TSPAN17: variants seen among roughly 807,000 people sequenced by gnomAD.
TSPAN17 encodes the protein tetraspanin 17, also known as tetraspanin-17.
A neutral mutation model predicts 40.5 loss-of-function variants in TSPAN17; 33 were observed. That is an observed-to-expected ratio of 0.81 (90% CI 0.62 to 1.09). The LOEUF (loss-of-function observed/expected upper bound fraction) is 1.09, where lower values mean the gene tolerates loss of function less well. Ranked by LOEUF, TSPAN17 falls within the 50% of genes least tolerant of loss-of-function variation. TSPAN17 has a pLI of 0.00. For synonymous variants in TSPAN17, 166 were observed against 169.4 expected (o/e 0.98, Z 0.15); for missense variants, 365 against 416.8 (o/e 0.88, Z 1.08).
intron 6 of TSPAN17, among the ~76,000 whole-genome samples, chr5:176,656,402 A>C (rs1300221124): frequency 6.6e-6 from 1 of 152,122 alleles, no homozygotes; most frequent in African/African-American, 2.4e-5. Context: ...TCGGCTCTGG[A>C]GGAGTGGAGG....
In TSPAN17 at chr5:176,652,764, ATCT is replaced by A. The variant is rs1368483003; in HGVS notation, c.313_315del (p.Phe105del). 2 of 1,613,790 alleles carry A rather than the reference ATCT, an allele frequency of 1.2e-6. No individual in the cohort carries two copies. The highest frequency in any genetic ancestry group is 1.7e-6 in the Non-Finnish European group (2 of 1,179,878). ...CCAGTTCTCCGTGTTCCTCGGTCTC[ATCT>A]TCTTCCTGGAGCTGGCAACAGGGAT... On this transcript the variant is annotated inframe_deletion, in exon 4 of 9. Coordinates refer to ENST00000508164, the MANE Select transcript of TSPAN17 (RefSeq NM_130465.5).
intron 6 of TSPAN17, 56 bp from the exon 7 acceptor site, chr5:176,656,644 G>A: frequency 1.9e-6 from 3 of 1,571,222 alleles, no homozygotes; most frequent in Non-Finnish European, 2.6e-6. Flanking sequence ...AGGCTGGGAG[G>A]GTGGGAGCCG....
At chr5:176,656,025 G>T in intron 5 of TSPAN17, 53 bp from the exon 6 acceptor site, 1 of 1,569,264 alleles carries the variant, frequency 6.4e-7, no homozygotes, top group South Asian at 1.1e-5. Flanking sequence ...AGGTACCATG[G>T]ACCCCATGGG....
chr5:176,651,561 G>T lies in TSPAN17; in HGVS notation c.88-55G>T. The T allele has an allele frequency of 1.9e-6, 3 of 1,558,254 alleles. No homozygotes were observed. The highest frequency in any genetic ancestry group is 2.4e-5 in the South Asian group (2 of 84,612). ...CCCTGGCTACCGGGGAAGGATGAGGGGGGAGGGTCCTGGGGCTGCTCCCAG... is the reference window on the plus strand; with the variant it reads ...CCCTGGCTACCGGGGAAGGATGAGGTGGGAGGGTCCTGGGGCTGCTCCCAG... On this transcript the variant is annotated intron_variant, in intron 1 of 8. Coordinates refer to ENST00000508164, the MANE Select transcript of TSPAN17 (RefSeq NM_130465.5). The surrounding 1 kb of genome is among the most constrained non-coding windows in gnomAD (Gnocchi z 4.5).
Position 176,657,787 on chromosome 5 carries a change from A to C in TSPAN17, c.*89A>C. On this transcript the variant is annotated 3_prime_UTR_variant, in exon 9 of 9. Transcript: ENST00000508164. ...CTTCGGTGGCAACACTACCTGGGACACTGCCTCCCCAGTCACCAAGGGCCC... is the reference window on the plus strand; with the variant it reads ...CTTCGGTGGCAACACTACCTGGGACCCTGCCTCCCCAGTCACCAAGGGCCC... 2 of 1,512,982 alleles carry C rather than the reference A, an allele frequency of 1.3e-6. No homozygotes were observed. The highest frequency in any genetic ancestry group is 1.8e-6 in the Non-Finnish European group (2 of 1,134,738). The allele number at this position is 1,512,982 out of a possible 1,614,324, so 93.7% of individuals were successfully genotyped here.
intron 3 of TSPAN17, 147 bp downstream of exon 3, chr5:176,652,047 C>G (rs1760989841): frequency 8.3e-7 from 1 of 1,204,116 alleles, no homozygotes. Context: ...TACTAGGATC[C>G]TTTCCGTGGT....
intron 4 of TSPAN17, 74 bp downstream of exon 4, chr5:176,652,987 TGTGATGGGAC>T: frequency 6.6e-7 from 1 of 1,519,164 alleles, no homozygotes; most frequent in Non-Finnish European, 9.1e-7. Flanking sequence ...GCAAGTTCCC[TGTGATGGGAC>T]CATCTCCTTA....
chr5:176,648,428 G>T (rs571061502), intron 1 of TSPAN17, among the ~76,000 whole-genome samples: 1 of 152,218 alleles, frequency 6.6e-6, no homozygotes, highest in Non-Finnish European at 1.5e-5. Flanking sequence ...TCCCAGGGTG[G>T]CATCTGTCCC....
At chr5:176,656,278 G>GTCTACTCCCCCTCC in intron 6 of TSPAN17, 153 bp downstream of exon 6, 2 of 805,088 alleles carry the variant, frequency 2.5e-6, no homozygotes, top group Non-Finnish European at 4.0e-6. Context: ...CAGCGGAGGG[G>GTCTACTCCCCCTCC]GAGTAGACCC....
In TSPAN17 at chr5:176,654,658, C is replaced by T. The variant is rs562047775; in HGVS notation, c.457-237C>T. On this transcript the variant is annotated intron_variant, in intron 4 of 8. Coordinates refer to ENST00000508164, the MANE Select transcript of TSPAN17 (RefSeq NM_130465.5). The surrounding 1 kb of genome is among the most constrained non-coding windows in gnomAD (Gnocchi z 4.3). ...TCCTTGTCCCACTCCCTCCCTTTTT[C>T]TAGCCTCTCTTGGGTCGGGGAAGGG... 8 of 524,578 alleles carry T rather than the reference C, an allele frequency of 1.5e-5. No individual in the cohort carries two copies. In the East Asian group the frequency reaches 2.7e-4, roughly 17 times the overall value. The allele number at this position is 524,578 out of a possible 1,614,324, so 32.5% of individuals were successfully genotyped here.
intron 6 of TSPAN17, 148 bp from the exon 7 acceptor site, chr5:176,656,552 C>G: frequency 1.4e-6 from 1 of 739,008 alleles, no homozygotes; most frequent in Non-Finnish European, 2.3e-6. Flanking sequence ...GCTGAGACCC[C>G]ATGAGAAGGA....
chr5:176,656,182 G>GA, intron 6 of TSPAN17, 57 bp downstream of exon 6: 1 of 1,576,868 alleles, frequency 6.3e-7, no homozygotes, highest in South Asian at 1.1e-5. Flanking sequence ...GGTTGGGTAT[G>GA]AGAGTGTCTA....
chr5:176,658,422 C>G lies in TSPAN17; in HGVS notation c.*724C>G, dbSNP rs6556277. The G allele has an allele frequency of 0.76, 115,506 of 152,298 alleles. 44,040 individuals are homozygous for G. The highest frequency in any genetic ancestry group is 0.81 in the Admixed American group (12,427 of 15,300). 9.4% of individuals were successfully genotyped at this position (152,298 alleles called of 1,614,324 possible). On this transcript the variant is annotated 3_prime_UTR_variant, in exon 9 of 9. Coordinates refer to ENST00000508164, the MANE Select transcript of TSPAN17 (RefSeq NM_130465.5). ...GATCCTGCCGCCCCCTCCCTGGGCT[C>G]GTCCAGAGATCTCAAACTCCGATGC...
rs550271827 is a variant in TSPAN17 at position 176,647,578 on chromosome 5, C to A, written c.-38C>A. On this transcript the variant is annotated 5_prime_UTR_variant, in exon 1 of 9. Transcript: ENST00000508164. The stretch of plus-strand genomic sequence containing the variant: ...GCCCGCGGGGCGCTGGGCCTGGCTC[C>A]CGGCTCCGGTTTCCGGGCCGGCGGG... 1 of 1,544,064 alleles carries A rather than the reference C, an allele frequency of 6.5e-7. No individual in the cohort carries two copies. The highest frequency in any genetic ancestry group is 8.7e-7 in the Non-Finnish European group (1 of 1,147,172).
chr5:176,655,425 C>T (rs1386831571), intron 5 of TSPAN17, among the ~76,000 whole-genome samples: 2 of 152,194 alleles, frequency 1.3e-5, no homozygotes, highest in Non-Finnish European at 2.9e-5. Flanking sequence ...ACTGGGCCAC[C>T]GTTGCAGGGT....
chr5:176,657,895 C>G lies in TSPAN17; in HGVS notation c.*197C>G. ...CCTCCCACCTCTGCAGGGTTATTCC[C>G]TGCACCTCGAGGCCGCTGCGGGCCA... is the stretch of plus-strand genomic sequence containing the variant. On this transcript the variant is annotated 3_prime_UTR_variant, in exon 9 of 9. Coordinates refer to ENST00000508164, the MANE Select transcript of TSPAN17 (RefSeq NM_130465.5). 1 of 973,700 alleles carries G rather than the reference C, an allele frequency of 1.0e-6. No individual in the cohort carries two copies. Among genetic ancestry groups the G allele is most frequent in the Non-Finnish European group, 1.4e-6 (1 of 708,396 alleles). The allele number at this position is 973,700 out of a possible 1,614,324, so 60.3% of individuals were successfully genotyped here. A position where few individuals can be genotyped will look rare whatever the true frequency, so the allele number is the denominator to read the frequency against.
Position 176,657,842 on chromosome 5 carries a change from C to G in TSPAN17, c.*144C>G. Reference sequence around the variant, plus strand: ...TGGCCCGTTCTACTCACCTAAGTGCCGCCTGACCCTTGTACACTAGGAGCT... The same window carrying G: ...TGGCCCGTTCTACTCACCTAAGTGCGGCCTGACCCTTGTACACTAGGAGCT... On this transcript the variant is annotated 3_prime_UTR_variant, in exon 9 of 9. Transcript: ENST00000508164. 2 of 1,423,058 alleles carry G rather than the reference C, an allele frequency of 1.4e-6. No individual in the cohort carries two copies. Among genetic ancestry groups the G allele is most frequent in the Non-Finnish European group, 1.9e-6 (2 of 1,072,306 alleles). 88.2% of individuals were successfully genotyped at this position (1,423,058 alleles called of 1,614,324 possible).
Position 176,653,040 on chromosome 5 carries a change from C to T in TSPAN17, c.456+127C>T, listed in dbSNP as rs981667192. 4.0e-6 allele frequency: 4 copies of T among 1,003,522 alleles called. No individual in the cohort carries two copies. In the East Asian group the frequency reaches 9.7e-5, roughly 24 times the overall value. 62.2% of individuals were successfully genotyped at this position (1,003,522 alleles called of 1,614,324 possible). A position where few individuals can be genotyped will look rare whatever the true frequency, so the allele number is the denominator to read the frequency against. ...GGGCTAGCGGGCCCCAGGAGAGAGA[C>T]CCAGGAGTGTCCTCGTCCGAGGAGA... On this transcript the variant is annotated intron_variant, in intron 4 of 8. Transcript: ENST00000508164.
At chr5:176,655,796 G>A (rs1271130137) in intron 5 of TSPAN17, among the ~76,000 whole-genome samples, 1 of 151,450 alleles carries the variant, frequency 6.6e-6, no homozygotes, top group Admixed American at 6.6e-5. Context: ...AGCTACTTGC[G>A]AGGCTGAGGT....
Sources: gnomAD v4.1 joint callset for allele counts (sites outside exome capture counted in the v4.1 genomes callset) on GRCh38, gnomAD v4.1.1 for gene constraint, Gnocchi (gnomAD v3.1) non-coding constraint, MANE v1.5 for transcripts, NCBI Gene and HGNC (gene_info 2026-07-23, HGNC 2026-07-21) for gene names.